UVRAG: variants seen among roughly 807,000 people sequenced by gnomAD.
UVRAG encodes the protein UV radiation resistance associated.
A neutral mutation model predicts 78.0 loss-of-function variants in UVRAG; 19 were observed. The observed-to-expected ratio is 0.24, with a 90% CI of 0.17 to 0.36. The LOEUF (loss-of-function observed/expected upper bound fraction) is 0.36, where lower values mean the gene tolerates loss of function less well. Ranked by LOEUF, UVRAG falls within the 10% of genes least tolerant of loss-of-function variation. UVRAG has a pLI of 1.00. For missense variants in UVRAG, 740 were observed against 853.8 expected, an observed-to-expected ratio of 0.87 and a Z score of 1.66; for synonymous variants, 323 against 324.6, an observed-to-expected ratio of 1.00 and a Z score of 0.05.
At chr11:76,010,629 A>G (rs1160382887) in intron 11 of UVRAG, among the ~76,000 whole-genome samples, 3 of 152,272 alleles carry the variant, frequency 2.0e-5, no homozygotes, top group South Asian at 2.1e-4. Flanking sequence ...AAATCATGTA[A>G]TCTTTCAGCT....
At chr11:76,103,684 A>G (rs924381602) in intron 13 of UVRAG, among the ~76,000 whole-genome samples, 2 of 152,040 alleles carry the variant, frequency 1.3e-5, no homozygotes, top group Non-Finnish European at 2.9e-5. Context: ...TAGCTATTAT[A>G]GTAAAATTAA....
chr11:75,861,425 G>A (rs1446644392), intron 2 of UVRAG, among the ~76,000 whole-genome samples: 1 of 152,188 alleles, frequency 6.6e-6, no homozygotes, highest in East Asian at 1.9e-4. Context: ...CAGTTGTGAG[G>A]GTGGAAGCGG....
intron 13 of UVRAG, among the ~76,000 whole-genome samples, chr11:76,109,944 T>G (rs1028794788): frequency 6.6e-5 from 10 of 152,198 alleles, no homozygotes; most frequent in African/African-American, 2.4e-4. Flanking sequence ...CACTATATAA[T>G]TATTTTAAAG....
intron 14 of UVRAG, among the ~76,000 whole-genome samples, chr11:76,127,657 GAATGAATGAATC>G (rs1234767952): frequency 1.4e-5 from 2 of 142,688 alleles, no homozygotes; most frequent in East Asian, 4.1e-4. Context: ...AAAAATGAAT[GAATGAATGAATC>G]AATGAGGCCT....
intron 3 of UVRAG, among the ~76,000 whole-genome samples, chr11:75,865,287 C>CAA (rs1195072746): frequency 0.049 from 2,178 of 44,546 alleles, 127 homozygotes; most frequent in African/African-American, 0.14. Context: ...AACTCCATCT[C>CAA]AAAAAAAAAA....
At chr11:75,855,611 T>C (rs902288809) in intron 2 of UVRAG, among the ~76,000 whole-genome samples, 4 of 152,252 alleles carry the variant, frequency 2.6e-5, no homozygotes, top group African/African-American at 9.6e-5. Flanking sequence ...TGATGATCAT[T>C]GTTTGGTCCT....
At chr11:76,137,345 C>T (rs1222181374) in intron 14 of UVRAG, 6 of 455,956 alleles carry the variant, frequency 1.3e-5, no homozygotes, top group Non-Finnish European at 2.6e-5. Context: ...GAACAGACAC[C>T]ACTGAACATC....
chr11:76,028,298 A>AG (rs1950368061), intron 12 of UVRAG, among the ~76,000 whole-genome samples: 1 of 152,028 alleles, frequency 6.6e-6, no homozygotes, highest in Non-Finnish European at 1.5e-5. Flanking sequence ...CCCTCTCCTC[A>AG]AACCTCCATA....
intron 10 of UVRAG, among the ~76,000 whole-genome samples, chr11:76,008,533 T>C (rs1330474724): frequency 6.6e-6 from 1 of 152,192 alleles, no homozygotes; most frequent in East Asian, 1.9e-4. Context: ...TTTATATATG[T>C]GAATGAAATA....
At chr11:75,922,974 A>ATATAT (rs1565381330) in intron 6 of UVRAG, among the ~76,000 whole-genome samples, 10 of 146,948 alleles carry the variant, frequency 6.8e-5, no homozygotes, top group Non-Finnish European at 4.5e-5. Flanking sequence ...TATATATATA[A>ATATAT]GAAAAAAATA....
chr11:76,037,868 C>T (rs895947660), intron 12 of UVRAG, among the ~76,000 whole-genome samples: 1 of 152,154 alleles, frequency 6.6e-6, no homozygotes, highest in African/African-American at 2.4e-5. Flanking sequence ...ATGTCTTCCC[C>T]TTCAGTGTGG....
At chr11:75,853,588 T>A (rs1280736610) in intron 2 of UVRAG, among the ~76,000 whole-genome samples, 1 of 151,600 alleles carries the variant, frequency 6.6e-6, no homozygotes, top group African/African-American at 2.4e-5. Context: ...CTCGAACTCC[T>A]GACCTCTGCC....
At chr11:75,848,139 A>C (rs770370347) in intron 1 of UVRAG, among the ~76,000 whole-genome samples, 8 of 151,618 alleles carry the variant, frequency 5.3e-5, no homozygotes, top group Non-Finnish European at 1.0e-4. Context: ...TTGAGGCTGC[A>C]GTGAGCTACG....
rs138239649 is a variant in UVRAG, at chr11:75,959,678, G to T, written c.594-1766G>T. On this transcript the variant is annotated intron_variant, in intron 6 of 14. Transcript: ENST00000356136. ...GAGTAGCACTTTTAATTTCCTTCAA[G>T]AACTTTTCCTTTGCATTCACAACTT... is the stretch of plus-strand genomic sequence containing the variant. 2.8e-4 allele frequency among the ~76,000 whole-genome samples: 42 copies of T among 152,300 alleles called. 1 individual carries two copies. In the East Asian group the frequency reaches 7.5e-3, roughly 27 times the overall value.
rs577436287 is a variant in UVRAG, at chr11:76,019,706, C to T, written c.1226+2726C>T. 4.1e-4 allele frequency among the ~76,000 whole-genome samples: 62 copies of T among 152,350 alleles called. No homozygotes were observed. In the South Asian group the frequency reaches 7.0e-3, roughly 17 times the overall value. ...CTCAGTCTCTCTCTCTATGCTGAGC[C>T]ATCTGGAGCTGGGAGTAGGGAGACA... On this transcript the variant is annotated intron_variant, in intron 12 of 14. Transcript: ENST00000356136.
chr11:76,019,862 G>A (rs1010952773), intron 12 of UVRAG, among the ~76,000 whole-genome samples: 4 of 152,168 alleles, frequency 2.6e-5, no homozygotes, highest in African/African-American at 9.7e-5. Flanking sequence ...AAGACCCTGT[G>A]GCTCTACAAT....
intron 6 of UVRAG, among the ~76,000 whole-genome samples, chr11:75,954,797 G>A (rs1948763812): frequency 6.6e-6 from 1 of 152,200 alleles, no homozygotes; most frequent in Non-Finnish European, 1.5e-5. Flanking sequence ...TGTAAAATAG[G>A]GTCATGTAAT....
At chr11:76,125,595 C>A (rs994602727) in intron 14 of UVRAG, among the ~76,000 whole-genome samples, 3 of 152,338 alleles carry the variant, frequency 2.0e-5, no homozygotes, top group East Asian at 3.9e-4. Flanking sequence ...TAACCCTCCA[C>A]TGGTGACAGA....
intron 1 of UVRAG, among the ~76,000 whole-genome samples, chr11:75,816,415 A>G (rs1945264193): frequency 6.6e-6 from 1 of 152,218 alleles, no homozygotes; most frequent in South Asian, 2.1e-4. Flanking sequence ...AGACCTAAAG[A>G]ATACCTTTCA....
Sources: gnomAD v4.1 joint callset for allele counts (sites outside exome capture counted in the v4.1 genomes callset) on GRCh38, gnomAD v4.1.1 for gene constraint, MANE v1.5 for transcripts, NCBI Gene and HGNC (gene_info 2026-07-23, HGNC 2026-07-21) for gene names.